The following BAHCC1 variants were observed in gnomAD, a reference collection of about 807,000 sequenced individuals.
BAHCC1 encodes the protein BAH and coiled-coil domain-containing protein 1.
In BAHCC1, 43 loss-of-function variants were observed where a neutral mutation model predicts 88.2. That is an observed-to-expected ratio of 0.49 (90% CI 0.38 to 0.63). BAHCC1 has a LOEUF of 0.63. Ranked by LOEUF, BAHCC1 falls within the 20% of genes least tolerant of loss-of-function variation. The pLI, the probability that BAHCC1 is intolerant of heterozygous loss-of-function variation, is 0.00. For missense variants in BAHCC1, 3,023 were observed against 1,654.8 expected (o/e 1.83, Z -14.34); for synonymous variants, 1,510 against 745.5 (o/e 2.03, Z -16.71).
chr17:81,446,012 G>A (rs1278921868), intron 10 of BAHCC1, among the ~76,000 whole-genome samples: 2 of 152,224 alleles, frequency 1.3e-5, no homozygotes, highest in Non-Finnish European at 2.9e-5. Context: ...GGGGCACTGG[G>A]CATGGGACTT....
chr17:81,438,973 C>T (rs574230522), intron 4 of BAHCC1, among the ~76,000 whole-genome samples: 1 of 152,318 alleles, frequency 6.6e-6, no homozygotes, highest in African/African-American at 2.4e-5. Context: ...CCCCAGCCCC[C>T]AGCCCCCCAG....
chr17:81,435,778 G>A lies in BAHCC1; in HGVS notation c.359-2592G>A, dbSNP rs1318286367. ...GCAACCCCTTCCAGGATGCCTGTGTGTCCCCGGCCCGGCCGCAGCAGCCCT... is the reference window on the plus strand; with the variant it reads ...GCAACCCCTTCCAGGATGCCTGTGTATCCCCGGCCCGGCCGCAGCAGCCCT... On this transcript the variant is annotated intron_variant, in intron 3 of 27. Transcript: ENST00000675386. The surrounding 1 kb of genome is among the most constrained non-coding windows in gnomAD (Gnocchi z 4.4). Among the ~76,000 whole-genome samples the A allele has an allele frequency of 6.6e-6, 1 of 151,314 alleles. No homozygotes were observed. Among genetic ancestry groups the A allele is most frequent in the Non-Finnish European group, 1.5e-5 (1 of 67,806 alleles).
intron 26 of BAHCC1, among the ~76,000 whole-genome samples, chr17:81,462,397 A>C (rs2030377464): frequency 1.3e-5 from 2 of 152,166 alleles, no homozygotes; most frequent in Non-Finnish European, 2.9e-5. Context: ...GTCTGTCCTC[A>C]CCAGGGCACT....
chr17:81,463,023 G>A, intron 27 of BAHCC1, 47 bp downstream of exon 27: 1 of 756,832 alleles, frequency 1.3e-6, no homozygotes, highest in Non-Finnish European at 2.5e-6. Flanking sequence ...GGGGCCCCAG[G>A]GAGGGGACAC....
chr17:81,420,944 C>T (rs1207001974), intron 2 of BAHCC1, among the ~76,000 whole-genome samples: 4 of 152,262 alleles, frequency 2.6e-5, no homozygotes, highest in Non-Finnish European at 4.4e-5. Flanking sequence ...CAGCCCCCAG[C>T]GGAGCACTTG....
In BAHCC1 at chr17:81,447,172, A is replaced by T. The variant is rs1555654658; in HGVS notation, c.3300A>T (p.Thr1100=). 6.5e-6 allele frequency: 5 copies of T among 774,238 alleles called. No homozygotes were observed. The Admixed American group carries it at 8.6e-5, about 13-fold the overall frequency. The allele number at this position is 774,238 out of a possible 1,614,324, so 48.0% of individuals were successfully genotyped here. ...APGAQPEPTR[T]FLPGEPPPCS... is the part of the protein sequence containing the mutation. Reference sequence around the variant, plus strand: ...GGGCCCAGCCTGAGCCCACAAGGACATTCCTGCCTGGGGAGCCGCCTCCCT... The same window carrying T: ...GGGCCCAGCCTGAGCCCACAAGGACTTTCCTGCCTGGGGAGCCGCCTCCCT... The change falls in exon 11 of 28, where the codon ACA becomes ACT. Residue 1100 remains threonine (T), a synonymous_variant. Transcript: ENST00000675386.
At chr17:81,405,100 G>C (rs1208498375) in intron 2 of BAHCC1, among the ~76,000 whole-genome samples, 11 of 152,144 alleles carry the variant, frequency 7.2e-5, no homozygotes, top group African/African-American at 2.4e-4. Flanking sequence ...GGCTCTGTCT[G>C]CCAGGCTGGA....
At chr17:81,437,883 G>A (rs560264418) in intron 3 of BAHCC1, among the ~76,000 whole-genome samples, 6 of 152,352 alleles carry the variant, frequency 3.9e-5, no homozygotes, top group African/African-American at 1.4e-4. Context: ...CTCCAGCCAG[G>A]GTCGGGGGAG....
chr17:81,451,190 G>C (rs921115332), intron 11 of BAHCC1: 1 of 159,534 alleles, frequency 6.3e-6, no homozygotes, highest in Non-Finnish European at 1.4e-5. Flanking sequence ...CCGCAGGCTT[G>C]AGCCACAGCA....
chr17:81,425,791 G>A (rs975948313), intron 2 of BAHCC1, among the ~76,000 whole-genome samples: 7 of 148,684 alleles, frequency 4.7e-5, no homozygotes, highest in African/African-American at 1.8e-4. Flanking sequence ...TGATGTGGTT[G>A]AGGGTGATGG....
chr17:81,428,408 C>G (rs1212318194), intron 3 of BAHCC1, among the ~76,000 whole-genome samples: 1 of 152,184 alleles, frequency 6.6e-6, no homozygotes, highest in Non-Finnish European at 1.5e-5. Flanking sequence ...GTGAACCCCC[C>G]ACAACAGACG....
chr17:81,441,064 G>A (rs1297237987), intron 4 of BAHCC1, among the ~76,000 whole-genome samples: 9 of 151,748 alleles, frequency 5.9e-5, no homozygotes, highest in East Asian at 1.9e-4. Context: ...TGCCTGCCCC[G>A]CGTCCCCCGA....
intron 10 of BAHCC1, chr17:81,446,611 C>T (rs577080807): frequency 3.4e-5 from 10 of 295,672 alleles, no homozygotes; most frequent in African/African-American, 9.8e-5. Flanking sequence ...TGCAGTGACG[C>T]GAACATGGTT....
At chr17:81,417,557 C>CGCT (rs71166139) in intron 2 of BAHCC1, among the ~76,000 whole-genome samples, 1 of 104,224 alleles carries the variant, frequency 9.6e-6, no homozygotes, top group Non-Finnish European at 2.1e-5. Flanking sequence ...CGTCGGCCAC[C>CGCT]CCCCCCCCGC....
chr17:81,409,661 C>A (rs143136433), intron 2 of BAHCC1, among the ~76,000 whole-genome samples: 3 of 152,294 alleles, frequency 2.0e-5, no homozygotes, highest in Admixed American at 6.5e-5. Context: ...TGCCTCTCCC[C>A]GCCCAAGGGC....
chr17:81,442,882 G>T lies in BAHCC1; in HGVS notation c.1533G>T (p.Pro511=), dbSNP rs550244860. 1.3e-6 allele frequency: 1 copy of T among 779,218 alleles called. No homozygotes were observed. Among genetic ancestry groups the T allele is most frequent in the Non-Finnish European group, 2.4e-6 (1 of 417,834 alleles). The allele number at this position is 779,218 out of a possible 1,614,324, so 48.3% of individuals were successfully genotyped here. The change falls in exon 5 of 28, where the codon CCG becomes CCT. Residue 511 remains proline, a synonymous_variant. Coordinates refer to ENST00000675386, the MANE Select transcript of BAHCC1 (RefSeq NM_001377448.1). ...QDCARPGHQD[P]LGGKAPQACC... ...GTGCCCGGCCTGGTCACCAGGACCC[G>T]CTGGGCGGGAAGGCCCCCCAGGCCT...
rs200336497 is a variant in BAHCC1 at position 81,460,572 on chromosome 17, G to A, written c.6068G>A (p.Arg2023Gln). The change falls in exon 25 of 28, where the codon CGG becomes CAG. Residue 2023 changes from arginine to glutamine, a missense_variant. Arg to Gln is a conservative substitution (Grantham distance 43). Coordinates refer to ENST00000675386, the MANE Select transcript of BAHCC1 (RefSeq NM_001377448.1). ...GCCCTGCTAGTGTCTAGCAGCTGCC[G>A]GAGGACCAAGAAGGTATCCAGTGAG... ...SPALLVSSSCRRTKKVSSEAP... is the reference protein window; with the variant it reads ...SPALLVSSSCQRTKKVSSEAP... The A allele has an allele frequency of 5.5e-5, 42 of 768,070 alleles. No homozygotes were observed. The highest frequency in any genetic ancestry group is 2.2e-4 in the South Asian group (16 of 72,784). The allele number at this position is 768,070 out of a possible 1,614,324, so 47.6% of individuals were successfully genotyped here.
chr17:81,433,530 G>A lies in BAHCC1; in HGVS notation c.359-4840G>A, dbSNP rs1035626252. 2.0e-5 allele frequency among the ~76,000 whole-genome samples: 3 copies of A among 146,886 alleles called. No individual in the cohort carries two copies. In the East Asian group the frequency reaches 6.2e-4, roughly 30 times the overall value. On this transcript the variant is annotated intron_variant, in intron 3 of 27. Coordinates refer to ENST00000675386, the MANE Select transcript of BAHCC1 (RefSeq NM_001377448.1). ...CGAGGTCCCTGTGTGCCCAGGGCAG[G>A]TGTCATCAGTCCACCGAGGCCCCTC... is the stretch of plus-strand genomic sequence containing the variant.
intron 25 of BAHCC1, 48 bp from the exon 26 acceptor site, chr17:81,460,818 G>C: frequency 1.3e-6 from 1 of 768,094 alleles, no homozygotes; most frequent in South Asian, 1.3e-5. Context: ...GGTGGAGGCA[G>C]CTTTGTGGGC....
Sources: allele counts gnomAD v4.1 joint callset (sites outside exome capture counted in the v4.1 genomes callset), GRCh38; gene constraint gnomAD v4.1.1; non-coding constraint Gnocchi (gnomAD v3.1); transcripts MANE v1.5; gene names NCBI Gene and HGNC (gene_info 2026-07-23, HGNC 2026-07-21).